Variants in WDFY2 observed in about 807,000 individuals in gnomAD.
WDFY2 encodes WD repeat and FYVE domain-containing protein 2.
In WDFY2, 36 loss-of-function variants were observed where a neutral mutation model predicts 56.4. The observed-to-expected ratio is 0.64, with a 90% CI of 0.49 to 0.84. The LOEUF is 0.84. WDFY2 is among the 40% of genes least tolerant of loss of function. The probability of loss-of-function intolerance (pLI) is 0.00; values close to 1 mark genes in which losing one functional copy is unlikely to be tolerated. For synonymous variants in WDFY2, 176 were observed against 183.7 expected, an observed-to-expected ratio of 0.96 and a Z score of 0.34; for missense variants, 444 against 512.2, an observed-to-expected ratio of 0.87 and a Z score of 1.29.
chr13:51,622,286 C>CT (rs957469028), intron 1 of WDFY2, among the ~76,000 whole-genome samples: 2 of 152,170 alleles, frequency 1.3e-5, no homozygotes, highest in African/African-American at 4.8e-5. Flanking sequence ...TCCCCCCCTC[C>CT]TTTTTTTTGA....
chr13:51,644,917 A>G (rs1043495374), intron 1 of WDFY2, among the ~76,000 whole-genome samples: 2 of 152,330 alleles, frequency 1.3e-5, no homozygotes, highest in South Asian at 4.1e-4. Flanking sequence ...TCTGTCTATC[A>G]TGGAGAAACC....
chr13:51,654,248 C>T (rs1311903586), intron 1 of WDFY2, among the ~76,000 whole-genome samples: 5 of 152,172 alleles, frequency 3.3e-5, no homozygotes, highest in South Asian at 4.1e-4. Flanking sequence ...CTAAGACTGT[C>T]GGAAAAGCAC....
intron 1 of WDFY2, among the ~76,000 whole-genome samples, chr13:51,634,936 A>C (rs951394637): frequency 6.6e-6 from 1 of 151,794 alleles, no homozygotes; most frequent in Non-Finnish European, 1.5e-5. Flanking sequence ...TTATTTTTTA[A>C]TTTTTTAGTT....
chr13:51,754,221 C>A (rs1203238923), intron 8 of WDFY2, among the ~76,000 whole-genome samples: 2 of 152,124 alleles, frequency 1.3e-5, no homozygotes, highest in Non-Finnish European at 2.9e-5. Context: ...CATAGGACCC[C>A]ATCATGTGTA....
chr13:51,678,477 A>G (rs1282725768), intron 3 of WDFY2, among the ~76,000 whole-genome samples: 1 of 152,226 alleles, frequency 6.6e-6, no homozygotes, highest in Non-Finnish European at 1.5e-5. Context: ...GTTTTTCAAA[A>G]TAGAATGACC....
intron 6 of WDFY2, among the ~76,000 whole-genome samples, chr13:51,730,663 G>A (rs867990133): frequency 2.0e-5 from 3 of 152,360 alleles, no homozygotes; most frequent in Non-Finnish European, 1.5e-5. Flanking sequence ...CTCCAAGGAA[G>A]TGGAGGCAGT....
chr13:51,638,811 G>A (rs573114108), intron 1 of WDFY2, among the ~76,000 whole-genome samples: 9 of 152,200 alleles, frequency 5.9e-5, no homozygotes, highest in Non-Finnish European at 1.3e-4. Context: ...TACATGTTAT[G>A]CTTCATTACG....
At chr13:51,643,097 AGT>A (rs1955202564) in intron 1 of WDFY2, among the ~76,000 whole-genome samples, 1 of 152,168 alleles carries the variant, frequency 6.6e-6, no homozygotes. Flanking sequence ...TATAACATAA[AGT>A]GTATCATTTT....
At chr13:51,724,650 C>T (rs1456561258) in intron 5 of WDFY2, among the ~76,000 whole-genome samples, 3 of 152,164 alleles carry the variant, frequency 2.0e-5, no homozygotes, top group Non-Finnish European at 4.4e-5. Flanking sequence ...GCATGGCCTC[C>T]CCATTACCAG....
At position 51,767,094 on chromosome 13, in the gene WDFY2, A is replaced by G. The variant is rs551858197; in HGVS notation, c.*7325A>G. On this transcript the variant is annotated 3_prime_UTR_variant, in exon 12 of 12. Coordinates refer to ENST00000298125, the MANE Select transcript of WDFY2 (RefSeq NM_052950.4). Reference sequence around the variant, plus strand: ...GAGGAGAAATGACTTCGGGGCAAACACTGCCAGGGAAAGCCTCATTTAAAA... The same window carrying G: ...GAGGAGAAATGACTTCGGGGCAAACGCTGCCAGGGAAAGCCTCATTTAAAA... 2 of 152,368 alleles carry G rather than the reference A, an allele frequency of 1.3e-5. No individual in the cohort carries two copies. Among genetic ancestry groups the G allele is most frequent in the South Asian group, 2.1e-4 (1 of 4,832 alleles). 9.4% of individuals were successfully genotyped at this position (152,368 alleles called of 1,614,324 possible).
chr13:51,653,567 C>T (rs990183762), intron 1 of WDFY2, among the ~76,000 whole-genome samples: 3 of 152,138 alleles, frequency 2.0e-5, no homozygotes, highest in African/African-American at 7.2e-5. Flanking sequence ...TGGTGACGTA[C>T]AGATGGGGTT....
intron 7 of WDFY2, 106 bp downstream of exon 7, chr13:51,739,281 G>A: frequency 2.3e-6 from 3 of 1,322,722 alleles, no homozygotes; most frequent in Non-Finnish European, 3.0e-6. Flanking sequence ...GCATGGGAAG[G>A]AACATGGCGG....
At chr13:51,738,998 G>T in intron 6 of WDFY2, 51 bp from the exon 7 acceptor site, 2 of 1,450,186 alleles carry the variant, frequency 1.4e-6, no homozygotes, top group Non-Finnish European at 1.8e-6. Flanking sequence ...TTTCTTTTGT[G>T]GGTAAGAGTC....
At chr13:51,676,650 A>G (rs1955892863) in intron 3 of WDFY2, among the ~76,000 whole-genome samples, 1 of 152,220 alleles carries the variant, frequency 6.6e-6, no homozygotes, top group Non-Finnish European at 1.5e-5. Context: ...CAATATTGTT[A>G]AATATAAATC....
At chr13:51,714,181 A>G (rs573431382) in intron 4 of WDFY2, among the ~76,000 whole-genome samples, 2 of 152,224 alleles carry the variant, frequency 1.3e-5, no homozygotes, top group South Asian at 2.1e-4. Context: ...TCTGAAACAT[A>G]GTTTAATGGT....
intron 6 of WDFY2, among the ~76,000 whole-genome samples, chr13:51,737,551 T>TAAAAAAAAAAAA (rs67418551): frequency 2.6e-4 from 14 of 53,238 alleles, no homozygotes; most frequent in African/African-American, 3.7e-4. Flanking sequence ...ACAATGAATT[T>TAAAAAAAAAAAA]AAAAAAAAAA....
chr13:51,669,299 C>G (rs1156982246), intron 2 of WDFY2, among the ~76,000 whole-genome samples: 1 of 152,180 alleles, frequency 6.6e-6, no homozygotes, highest in African/African-American at 2.4e-5. Flanking sequence ...TTACCAAACA[C>G]TCAGTGTTAT....
intron 1 of WDFY2, chr13:51,591,931 G>A (rs568657596): frequency 6.7e-6 from 1 of 149,274 alleles, no homozygotes; most frequent in African/African-American, 2.4e-5. Context: ...CTTCAAGTTA[G>A]GAGATAACTG....
At chr13:51,634,775 G>A (rs1198939410) in intron 1 of WDFY2, among the ~76,000 whole-genome samples, 1 of 152,048 alleles carries the variant, frequency 6.6e-6, no homozygotes, top group Non-Finnish European at 1.5e-5. Context: ...AGAGCAAGGA[G>A]GACTTTTTTG....
Sources: gnomAD v4.1 joint callset for allele counts (sites outside exome capture counted in the v4.1 genomes callset) on GRCh38, gnomAD v4.1.1 for gene constraint, MANE v1.5 for transcripts, NCBI Gene and HGNC (gene_info 2026-07-23, HGNC 2026-07-21) for gene names.